The following TLR5 variants were observed in gnomAD, a reference collection of about 807,000 sequenced individuals.
TLR5 encodes toll-like receptor 5.
For synonymous variants in TLR5, 373 were observed against 384.4 expected, an observed-to-expected ratio of 0.97 and a Z score of 0.35; for missense variants, 944 against 999.8, an observed-to-expected ratio of 0.94 and a Z score of 0.75.
chr1:223,115,851 T>C (rs962241620), intron 5 of TLR5, among the ~76,000 whole-genome samples: 5 of 152,070 alleles, frequency 3.3e-5, no homozygotes, highest in Non-Finnish European at 7.4e-5. Flanking sequence ...GCCCAACGTT[T>C]GAGGGAAAGG....
At position 223,141,774 on chromosome 1, in the gene TLR5, A is replaced by T. The variant is rs1306074560; in HGVS notation, c.-554-11T>A. 1.5e-5 allele frequency: 2 copies of T among 130,542 alleles called. No homozygotes were observed. Among genetic ancestry groups the T allele is most frequent in the Non-Finnish European group, 3.2e-5 (2 of 63,226 alleles). The allele number at this position is 130,542 out of a possible 1,614,324, so 8.1% of individuals were successfully genotyped here. ...GGCGGCAGAGTGAGACTGTCTCAAA[A>T]AAAAAATTACATATATATATATATA... On this transcript the variant is annotated splice_polypyrimidine_tract_variant and intron_variant, in intron 1 of 5. Transcript: ENST00000642603.
At chr1:223,141,800 TATATATATATATATATATATATAG>T (rs1487549196) in intron 1 of TLR5, 37 bp from the exon 2 acceptor site, 5 of 56,754 alleles carry the variant, frequency 8.8e-5, no homozygotes, top group African/African-American at 1.8e-4. Flanking sequence ...TATATATATA[TATATATATATATATATATATATAG>T]AGAGAGAGAG....
intron 5 of TLR5, among the ~76,000 whole-genome samples, chr1:223,130,018 T>G (rs1290593449): frequency 6.6e-6 from 1 of 152,096 alleles, no homozygotes; most frequent in Non-Finnish European, 1.5e-5. Context: ...TATGTGCACT[T>G]TTATGTGCAG....
chr1:223,142,442 G>A (rs1640817), intron 1 of TLR5, among the ~76,000 whole-genome samples: 12,080 of 152,178 alleles, frequency 0.079, 809 homozygotes, highest in African/African-American at 0.18. Context: ...AGCCGCAGCC[G>A]TCGATTCCCA....
intron 1 of TLR5, among the ~76,000 whole-genome samples, chr1:223,142,750 T>G (rs1489223768): frequency 2.0e-5 from 3 of 152,148 alleles, no homozygotes; most frequent in African/African-American, 7.2e-5. Flanking sequence ...TTTCTGGGAT[T>G]TCCATGGCCC....
chr1:223,135,811 A>T (rs1315119126), intron 3 of TLR5, among the ~76,000 whole-genome samples: 2 of 152,204 alleles, frequency 1.3e-5, no homozygotes, highest in Non-Finnish European at 1.5e-5. Context: ...CGATGAAAAA[A>T]ATGGAACCAC....
Position 223,110,217 on chromosome 1 carries a change from T to C in TLR5, c.*238A>G. ...CGGTATTATTGGATCTGAAAGAAAA[T>C]CAATGGAGACTGGAAACCTCTAAGG... On this transcript the variant is annotated 3_prime_UTR_variant, in exon 6 of 6. Coordinates refer to ENST00000642603, the MANE Select transcript of TLR5 (RefSeq NM_003268.6). 1.8e-6 allele frequency: 1 copy of C among 555,448 alleles called. No individual in the cohort carries two copies. Among genetic ancestry groups the C allele is most frequent in the East Asian group, 3.1e-5 (1 of 32,236 alleles). The allele number at this position is 555,448 out of a possible 1,614,324, so 34.4% of individuals were successfully genotyped here. A position where few individuals can be genotyped will look rare whatever the true frequency, so the allele number is the denominator to read the frequency against.
intron 5 of TLR5, among the ~76,000 whole-genome samples, chr1:223,125,923 T>G (rs1657148490): frequency 6.6e-6 from 1 of 152,130 alleles, no homozygotes; most frequent in Non-Finnish European, 1.5e-5. Flanking sequence ...TAGAACCATG[T>G]GGGCTGCTTA....
chr1:223,113,039 T>C lies in TLR5; in HGVS notation c.-4-4A>G, dbSNP rs1380558150. 1.2e-6 allele frequency: 2 copies of C among 1,613,972 alleles called. No homozygotes were observed. Among genetic ancestry groups the C allele is most frequent in the Non-Finnish European group, 1.7e-6 (2 of 1,179,924 alleles). ...GTCCAGGTGGTCTCCCATGATCCTA[T>C]GGAGAAGAAGGGAGAATGAAAACAC... On this transcript the variant is annotated splice_polypyrimidine_tract_variant and splice_region_variant and intron_variant, in intron 5 of 5. Coordinates refer to ENST00000642603, the MANE Select transcript of TLR5 (RefSeq NM_003268.6).
At position 223,120,611 on chromosome 1, in the gene TLR5, CT is replaced by C. The variant is rs1017447878; in HGVS notation, c.-4-7577del. The stretch of plus-strand genomic sequence containing the variant: ...TCTCGAAATATTTTGCAGAGTTTGA[CT>C]TTTTTTTATTGACAGTGTTATTCAC... On this transcript the variant is annotated intron_variant, in intron 5 of 5. Transcript: ENST00000642603. Among the ~76,000 whole-genome samples the C allele has an allele frequency of 5.9e-5, 9 of 152,256 alleles. No individual in the cohort carries two copies. The South Asian group carries it at 1.7e-3, about 28-fold the overall frequency.
intron 1 of TLR5, among the ~76,000 whole-genome samples, chr1:223,142,683 A>G (rs562762534): frequency 1.1e-4 from 16 of 152,146 alleles, no homozygotes; most frequent in African/African-American, 3.9e-4. Context: ...GCCAGTGTGC[A>G]CTGCCTGGTG....
chr1:223,118,471 C>G (rs1349869315), intron 5 of TLR5, among the ~76,000 whole-genome samples: 1 of 151,486 alleles, frequency 6.6e-6, no homozygotes. Context: ...TGCTTGAACC[C>G]AGGAGTCAGA....
chr1:223,114,192 T>C (rs1656510867), intron 5 of TLR5, among the ~76,000 whole-genome samples: 1 of 152,172 alleles, frequency 6.6e-6, no homozygotes, highest in Admixed American at 6.5e-5. Flanking sequence ...TAACCATCTG[T>C]CTGGGTTGAG....
chr1:223,126,021 T>G (rs1033406618), intron 5 of TLR5, among the ~76,000 whole-genome samples: 1 of 152,190 alleles, frequency 6.6e-6, no homozygotes, highest in Admixed American at 6.5e-5. Flanking sequence ...CCAAAAGAAC[T>G]GGAAGCAGAA....
At position 223,113,003 on chromosome 1, in the gene TLR5, C is replaced by T. The variant is rs750103973; in HGVS notation, c.29G>A (p.Gly10Glu). The change falls in exon 6 of 6, where the codon GGA becomes GAA. Residue 10 changes from glycine (G) to glutamate (E), a missense_variant. Transcript: ENST00000642603. ...CACAGGACCGGCCATGAGCACCACT[C>T]CTAGGAGAAGGTCCAGGTGGTCTCC... The part of the protein sequence containing the change: MGDHLDLLL[G>E]VVLMAGPVFG... 1.2e-6 allele frequency: 2 copies of T among 1,614,122 alleles called. No individual in the cohort carries two copies. The highest frequency in any genetic ancestry group is 4.5e-5 in the East Asian group (2 of 44,880).
chr1:223,135,084 A>G (rs185351379), intron 3 of TLR5, among the ~76,000 whole-genome samples: 45 of 152,302 alleles, frequency 3.0e-4, no homozygotes, highest in Non-Finnish European at 7.3e-5. Context: ...AAAGGAATCA[A>G]GAGAAAGCTT....
chr1:223,116,413 C>T (rs1656650160), intron 5 of TLR5, among the ~76,000 whole-genome samples: 1 of 152,106 alleles, frequency 6.6e-6, no homozygotes, highest in Non-Finnish European at 1.5e-5. Context: ...TCATTCTTCC[C>T]ATCCGGAGTT....
intron 5 of TLR5, among the ~76,000 whole-genome samples, chr1:223,118,138 T>TA (rs1208252222): frequency 6.6e-6 from 1 of 152,214 alleles, no homozygotes; most frequent in African/African-American, 2.4e-5. Flanking sequence ...ATCAGTCAGA[T>TA]ACATTTAAGA....
rs752469125 is a variant in TLR5, at chr1:223,112,119, A to G, written c.913T>C (p.Ser305Pro). 1 of 1,614,112 alleles carries G rather than the reference A, an allele frequency of 6.2e-7. No homozygotes were observed. Among genetic ancestry groups the G allele is most frequent in the Admixed American group, 1.7e-5 (1 of 59,998 alleles). ...LSHGFVFSLN[S>P]RVFETLKDLK... is the part of the protein sequence containing the mutation. ...TCCTTGAGTGTCTCAAAGACTCGTG[A>G]GTTCAGGGAGAAGACAAACCCATGT... Residue 305 changes from serine to proline, a missense_variant, in exon 6 of 6, where the codon TCA becomes CCA. Physicochemically the swap from Ser to Pro is moderately conservative, Grantham distance 74. Transcript: ENST00000642603.
Sources: allele counts gnomAD v4.1 joint callset (sites outside exome capture counted in the v4.1 genomes callset), GRCh38; gene constraint gnomAD v4.1.1; transcripts MANE v1.5; gene names NCBI Gene and HGNC (gene_info 2026-07-23, HGNC 2026-07-21).